Variants in TBC1D22A observed in about 807,000 individuals in gnomAD.
The protein encoded by TBC1D22A is TBC1 domain family member 22A, also known as putative GTPase activator.
Under a neutral mutation model 60.2 loss-of-function variants are expected in TBC1D22A, and 38 were observed. The ratio of observed to expected loss-of-function variants is 0.63; its 90% CI spans 0.49 to 0.83. The LOEUF (loss-of-function observed/expected upper bound fraction) is 0.83. Ranked by LOEUF, TBC1D22A falls within the 40% of genes least tolerant of loss-of-function variation. TBC1D22A has a pLI of 0.00. For synonymous variants in TBC1D22A, 302 were observed against 281.7 expected (o/e 1.07, Z -0.72); for missense variants, 628 against 701.0 (o/e 0.90, Z 1.18).
At chr22:46,842,579 G>C (rs1033600637) in intron 4 of TBC1D22A, among the ~76,000 whole-genome samples, 1 of 152,210 alleles carries the variant, frequency 6.6e-6, no homozygotes, top group East Asian at 1.9e-4. Flanking sequence ...TAGGGTTTTC[G>C]TGGAGGTAAT....
At chr22:46,952,595 G>A (rs2072974853) in intron 8 of TBC1D22A, among the ~76,000 whole-genome samples, 1 of 152,176 alleles carries the variant, frequency 6.6e-6, no homozygotes. Context: ...CCAGATCTGT[G>A]TCCTGAGCTC....
chr22:47,042,900 G>A (rs1027617364), intron 11 of TBC1D22A, among the ~76,000 whole-genome samples: 12 of 152,238 alleles, frequency 7.9e-5, no homozygotes, highest in Non-Finnish European at 1.3e-4. Flanking sequence ...TCCCTGGGGA[G>A]GGTGCGTCAG....
chr22:47,084,508 A>G (rs967825167), intron 11 of TBC1D22A, among the ~76,000 whole-genome samples: 2 of 152,204 alleles, frequency 1.3e-5, no homozygotes, highest in African/African-American at 2.4e-5. Context: ...CGAGCCCTCC[A>G]GGTGGTTCTG....
rs201317474 is a variant in TBC1D22A, at chr22:47,037,222, G to A, written c.1329+24G>A. The A allele has an allele frequency of 3.0e-4, 484 of 1,610,340 alleles. 1 individual carries two copies. Among genetic ancestry groups the A allele is most frequent in the Non-Finnish European group, 3.6e-4 (428 of 1,178,218 alleles). On this transcript the variant is annotated intron_variant, in intron 11 of 12. Transcript: ENST00000337137. ...AGGTGAGCTCTCCTTCGCACCCTCC[G>A]CCATGGGGGTGCCAGGAGCCCGGGC... is the stretch of plus-strand genomic sequence containing the variant.
intron 10 of TBC1D22A, among the ~76,000 whole-genome samples, chr22:47,032,814 A>G (rs2062524902): frequency 6.6e-6 from 1 of 152,230 alleles, no homozygotes; most frequent in Non-Finnish European, 1.5e-5. Flanking sequence ...GCTGCAGCCC[A>G]GACGTCCACG....
intron 6 of TBC1D22A, among the ~76,000 whole-genome samples, chr22:46,894,126 T>C (rs547315472): frequency 6.6e-6 from 1 of 152,296 alleles, no homozygotes; most frequent in South Asian, 2.1e-4. Context: ...AACGGGAGCG[T>C]GGGCTAGTGT....
intron 12 of TBC1D22A, among the ~76,000 whole-genome samples, chr22:47,156,669 C>T (rs963306062): frequency 3.3e-5 from 5 of 152,146 alleles, no homozygotes; most frequent in Non-Finnish European, 5.9e-5. Context: ...CCTGTCCACT[C>T]CTGGGGGTGT....
chr22:47,167,325 C>T (rs28607051), intron 12 of TBC1D22A, among the ~76,000 whole-genome samples: 361 of 152,314 alleles, frequency 2.4e-3, no homozygotes, highest in African/African-American at 8.3e-3. Flanking sequence ...CAAGCATTGC[C>T]GAAGGCACTT....
rs113526515 is a variant in TBC1D22A at position 46,790,634 on chromosome 22, G to A, written c.63-1886G>A. Among the ~76,000 whole-genome samples the A allele has an allele frequency of 5.7e-3, 866 of 151,954 alleles. 9 individuals are homozygous for A. The highest frequency in any genetic ancestry group is 5.8e-3 in the Non-Finnish European group (394 of 67,950). On this transcript the variant is annotated intron_variant, in intron 1 of 12. Transcript: ENST00000337137. ...AGCAGACAATTTACAAAAAGAAGAG[G>A]TACAAATGAACAAAATAAAAAAAAA...
At chr22:47,021,228 C>CT in intron 10 of TBC1D22A, among the ~76,000 whole-genome samples, 1 of 148,824 alleles carries the variant, frequency 6.7e-6, no homozygotes, top group African/African-American at 2.5e-5. Context: ...CCTAGCAGAA[C>CT]CCTACCTGTA....
intron 12 of TBC1D22A, among the ~76,000 whole-genome samples, chr22:47,164,195 C>T (rs958761683): frequency 1.3e-5 from 2 of 152,224 alleles, no homozygotes; most frequent in Non-Finnish European, 2.9e-5. Flanking sequence ...GGAGCAGGAG[C>T]CCCTCCCCGC....
At chr22:47,139,325 C>T (rs1444741082) in intron 12 of TBC1D22A, among the ~76,000 whole-genome samples, 1 of 152,226 alleles carries the variant, frequency 6.6e-6, no homozygotes, top group Non-Finnish European at 1.5e-5. Flanking sequence ...ACACCGCTGA[C>T]ACAAGCCACA....
At chr22:46,950,365 C>T (rs935355267) in intron 8 of TBC1D22A, among the ~76,000 whole-genome samples, 6 of 152,032 alleles carry the variant, frequency 3.9e-5, no homozygotes, top group East Asian at 1.9e-4. Context: ...GGATGGGTGC[C>T]GTTTGTGTGG....
intron 10 of TBC1D22A, among the ~76,000 whole-genome samples, chr22:47,026,580 A>T (rs1214090777): frequency 6.6e-6 from 1 of 152,254 alleles, no homozygotes; most frequent in Admixed American, 6.5e-5. Flanking sequence ...GGATCTACAT[A>T]CAAAAATAAA....
At chr22:47,012,501 G>C (rs931778913) in intron 10 of TBC1D22A, among the ~76,000 whole-genome samples, 1 of 152,158 alleles carries the variant, frequency 6.6e-6, no homozygotes, top group Admixed American at 6.5e-5. Flanking sequence ...GCCCAGAGTG[G>C]TGCTTTGGAA....
chr22:46,982,076 G>T (rs1161577675), intron 9 of TBC1D22A, among the ~76,000 whole-genome samples: 1 of 152,170 alleles, frequency 6.6e-6, no homozygotes, highest in African/African-American at 2.4e-5. Flanking sequence ...TTAGGGAGCA[G>T]GAGTGTGGGC....
At chr22:47,154,728 T>G (rs1160781842) in intron 12 of TBC1D22A, among the ~76,000 whole-genome samples, 1 of 152,236 alleles carries the variant, frequency 6.6e-6, no homozygotes, top group Non-Finnish European at 1.5e-5. Context: ...CTGGGACATG[T>G]GCCCAAGGTC....
chr22:46,798,913 G>A (rs2084778647), intron 4 of TBC1D22A, among the ~76,000 whole-genome samples: 1 of 152,214 alleles, frequency 6.6e-6, no homozygotes, highest in African/African-American at 2.4e-5. Flanking sequence ...CAGAAGCAGC[G>A]GTTCAAAGGG....
At chr22:46,836,437 A>G (rs1028830662) in intron 4 of TBC1D22A, among the ~76,000 whole-genome samples, 6 of 152,192 alleles carry the variant, frequency 3.9e-5, no homozygotes, top group Admixed American at 2.6e-4. Context: ...TTGTAACACT[A>G]TTCTAAGCCT....
Sources: gnomAD v4.1 joint callset for allele counts (sites outside exome capture counted in the v4.1 genomes callset) on GRCh38, gnomAD v4.1.1 for gene constraint, MANE v1.5 for transcripts, NCBI Gene and HGNC (gene_info 2026-07-23, HGNC 2026-07-21) for gene names.